Variants in HS1BP3 observed in about 807,000 individuals in gnomAD.
The protein encoded by HS1BP3 is HCLS1-binding protein 3.
Under a neutral mutation model 33.5 loss-of-function variants are expected in HS1BP3, and 32 were observed. That is an observed-to-expected ratio of 0.95 (90% confidence interval 0.72 to 1.28). The LOEUF (loss-of-function observed/expected upper bound fraction) is 1.28. Ranked by LOEUF, HS1BP3 falls within the 50% of genes most tolerant of loss-of-function variation. The pLI, the probability that HS1BP3 is intolerant of heterozygous loss-of-function variation, is 0.00. For synonymous variants in HS1BP3, 187 were observed against 209.2 expected, an observed-to-expected ratio of 0.89 and a Z score of 0.92; for missense variants, 486 against 502.3, an observed-to-expected ratio of 0.97 and a Z score of 0.31.
chr2:20,591,046 T>C (rs1304631582), downstream of HS1BP3: 3 of 167,156 alleles, frequency 1.8e-5, no homozygotes, highest in Non-Finnish European at 2.9e-5. Flanking sequence ...GCAGAGACCA[T>C]GGGAGGAATG....
intron 5 of HS1BP3, among the ~76,000 whole-genome samples, chr2:20,582,636 C>A (rs1693561978): frequency 6.6e-6 from 1 of 152,092 alleles, no homozygotes; most frequent in South Asian, 2.1e-4. Context: ...TCAGGGGACC[C>A]CACCCACCCT....
At chr2:20,560,851 C>T (rs565080719) in intron 5 of HS1BP3, among the ~76,000 whole-genome samples, 6 of 152,140 alleles carry the variant, frequency 3.9e-5, no homozygotes, top group East Asian at 3.9e-4. Flanking sequence ...CTGGAACTGA[C>T]GCCTCCCTGG....
chr2:20,615,430 G>T (rs17662614), downstream of HS1BP3, among the ~76,000 whole-genome samples: 1 of 152,156 alleles, frequency 6.6e-6, no homozygotes, highest in Non-Finnish European at 1.5e-5. Context: ...AAGGCCTTAG[G>T]GTGCTGAGCA....
rs141783675 is a variant in HS1BP3 at position 20,621,627 on chromosome 2, A to G, written c.920+2269T>C. Among the ~76,000 whole-genome samples the G allele has an allele frequency of 3.3e-3, 500 of 152,352 alleles. 2 individuals carry two copies. The highest frequency in any genetic ancestry group is 0.017 in the Middle Eastern group (5 of 294). On this transcript the variant is annotated intron_variant, in intron 6 of 6. Coordinates refer to ENST00000304031, the MANE Select transcript of HS1BP3 (RefSeq NM_022460.4). ...TTGAAGGCTGAGGGTACCTGGGAAA[A>G]GCTCAAAGGGACTGAATTATCCTCA...
rs1695223175 is a variant in HS1BP3, at chr2:20,638,381, T to C, written c.623+55A>G. On this transcript the variant is annotated intron_variant, in intron 4 of 6. Transcript: ENST00000304031. The stretch of plus-strand genomic sequence containing the variant: ...CAGATTCCAGGGAAGGGGGACGTCA[T>C]CTCCAGAAAGCCTGGAATACACCAA... 6 of 1,523,548 alleles carry C rather than the reference T, an allele frequency of 3.9e-6. No homozygotes were observed. The Admixed American group carries it at 5.4e-5, about 14-fold the overall frequency. The allele number at this position is 1,523,548 out of a possible 1,614,324, so 94.4% of individuals were successfully genotyped here. A position where few individuals can be genotyped will look rare whatever the true frequency, so the allele number is the denominator to read the frequency against.
chr2:20,649,666 G>A (rs1015483984), intron 1 of HS1BP3, among the ~76,000 whole-genome samples: 4 of 152,234 alleles, frequency 2.6e-5, no homozygotes, highest in South Asian at 2.1e-4. Flanking sequence ...GGAGGAGATC[G>A]GGCTGGAAAG....
At chr2:20,566,068 T>A (rs1178332906) in intron 5 of HS1BP3, among the ~76,000 whole-genome samples, 1 of 152,222 alleles carries the variant, frequency 6.6e-6, no homozygotes, top group Non-Finnish European at 1.5e-5. Context: ...CAGCCCACCC[T>A]GCCCCTCTAG....
chr2:20,574,643 G>A (rs577541463), intron 5 of HS1BP3, among the ~76,000 whole-genome samples: 15 of 152,214 alleles, frequency 9.9e-5, no homozygotes, highest in South Asian at 2.1e-4. Flanking sequence ...GTCAGCCTCG[G>A]TGGATGAGAT....
chr2:20,626,963 T>C (rs538333515), intron 4 of HS1BP3, among the ~76,000 whole-genome samples: 1 of 152,274 alleles, frequency 6.6e-6, no homozygotes, highest in Non-Finnish European at 1.5e-5. Flanking sequence ...CATGGCCTCC[T>C]GGGGCAGACA....
intron 2 of HS1BP3, among the ~76,000 whole-genome samples, chr2:20,599,004 T>C (rs1029490722): frequency 2.0e-5 from 3 of 151,782 alleles, no homozygotes; most frequent in Admixed American, 6.6e-5. Context: ...GGGAGGGCAG[T>C]GGGGAGTGGG....
intron 5 of HS1BP3, among the ~76,000 whole-genome samples, chr2:20,563,385 G>A (rs1329640103): frequency 6.6e-6 from 1 of 152,208 alleles, no homozygotes. Flanking sequence ...AGCCAAACAG[G>A]GGTGGGGAGG....
Position 20,641,145 on chromosome 2 carries a change from G to A in HS1BP3, c.234C>T (p.Tyr78=). ...SKKYSEIEEF[Y]QKLSSRYAAA... ...CTGCATAACGACTGCTCAGTTTCTG[G>A]TAAAACTCCTCAATCTCGCTGTACT... Residue 78 remains tyrosine, a synonymous_variant, in exon 3 of 7, where the codon TAC becomes TAT. Coordinates refer to ENST00000304031, the MANE Select transcript of HS1BP3 (RefSeq NM_022460.4). 1 of 1,610,598 alleles carries A rather than the reference G, an allele frequency of 6.2e-7. No homozygotes were observed. Among genetic ancestry groups the A allele is most frequent in the Non-Finnish European group, 8.5e-7 (1 of 1,179,986 alleles).
chr2:20,614,131 G>T (rs1302037755), downstream of HS1BP3, among the ~76,000 whole-genome samples: 1 of 152,148 alleles, frequency 6.6e-6, no homozygotes, highest in African/African-American at 2.4e-5. Context: ...GGCAGAGGCT[G>T]GGGTGATACA....
downstream of HS1BP3, among the ~76,000 whole-genome samples, chr2:20,558,580 C>G (rs73235135): frequency 6.6e-6 from 1 of 152,090 alleles, no homozygotes; most frequent in Non-Finnish European, 1.5e-5. Context: ...TCAGGCACTG[C>G]GCTGGCACGA....
intron 3 of HS1BP3, among the ~76,000 whole-genome samples, chr2:20,595,942 C>G (rs951925155): frequency 2.6e-5 from 4 of 152,206 alleles, no homozygotes; most frequent in Non-Finnish European, 5.9e-5. Flanking sequence ...TGACAGTTTC[C>G]CACGTTCTTT....
chr2:20,602,332 TCTTTG>T (rs1388497554), intron 2 of HS1BP3, among the ~76,000 whole-genome samples: 1 of 152,142 alleles, frequency 6.6e-6, no homozygotes, highest in Non-Finnish European at 1.5e-5. Context: ...TGTATTTCCC[TCTTTG>T]CTTTGGTCAC....
downstream of HS1BP3, among the ~76,000 whole-genome samples, chr2:20,617,078 C>G (rs867987232): frequency 5.4e-4 from 83 of 152,306 alleles, 1 homozygote; most frequent in Middle Eastern, 3.4e-3. Context: ...ACCTACCCCG[C>G]TGTGCCCTCT....
Position 20,611,271 on chromosome 2 carries a change from G to T in HS1BP3, c.178+12625C>A, listed in dbSNP as rs1453070288. Among the ~76,000 whole-genome samples, 1 of 152,206 alleles carries T rather than the reference G, an allele frequency of 6.6e-6. No homozygotes were observed. The highest frequency in any genetic ancestry group is 2.4e-5 in the African/African-American group (1 of 41,438). On this transcript the variant is annotated intron_variant, in intron 2 of 3. Coordinates refer to the HS1BP3 transcript ENST00000415264. The surrounding 1 kb of genome is among the most constrained non-coding windows in gnomAD (Gnocchi z 4.9). ...GAATAATGTTGCTGTGAACATTCGT[G>T]TCTAAGTCTTTGTGTGTGTGGCTTC...
chr2:20,566,716 C>G (rs1055089369), intron 5 of HS1BP3, among the ~76,000 whole-genome samples: 2 of 151,956 alleles, frequency 1.3e-5, no homozygotes, highest in Admixed American at 6.6e-5. Flanking sequence ...AAGCGATTCT[C>G]CTGCCTCAGC....
Sources: allele counts gnomAD v4.1 joint callset (sites outside exome capture counted in the v4.1 genomes callset), GRCh38; gene constraint gnomAD v4.1.1; non-coding constraint Gnocchi (gnomAD v3.1); transcripts MANE v1.5; gene names NCBI Gene and HGNC (gene_info 2026-07-23, HGNC 2026-07-21).